GPHN: variants seen among roughly 807,000 people sequenced by gnomAD.
GPHN encodes gephyrin.
Under a neutral mutation model 95.5 loss-of-function variants are expected in GPHN, and 17 were observed. That is an observed-to-expected ratio of 0.18 (90% confidence interval 0.12 to 0.27). GPHN has a LOEUF of 0.27. Among genes scored for constraint, GPHN ranks in the 10% least tolerant of loss-of-function variants. The probability of loss-of-function intolerance (pLI) is 1.00; values close to 1 mark genes in which losing one functional copy is unlikely to be tolerated. For missense variants in GPHN, 660 were observed against 978.1 expected (o/e 0.67, Z 4.34); for synonymous variants, 320 against 322.5 (o/e 0.99, Z 0.08).
At chr14:67,207,203 G>C in the GPHN span, among the ~76,000 whole-genome samples, 1 of 152,066 alleles carries the variant, frequency 6.6e-6, no homozygotes, top group African/African-American at 2.4e-5. Context: ...AAAGAAAAGA[G>C]GGTTAATTGG....
the GPHN span, among the ~76,000 whole-genome samples, chr14:67,560,327 A>G: frequency 2.0e-5 from 3 of 152,152 alleles, no homozygotes; most frequent in Admixed American, 6.5e-5. Context: ...GTGCCCTGCT[A>G]CTTTCTCTTC....
chr14:66,808,631 T>G (rs2153480908), intron 3 of GPHN, among the ~76,000 whole-genome samples: 1 of 152,274 alleles, frequency 6.6e-6, no homozygotes, highest in Admixed American at 6.5e-5. Context: ...ACCCCATCTC[T>G]AATAAAAATA....
intron 1 of GPHN, among the ~76,000 whole-genome samples, chr14:66,640,689 T>C (rs2064345312): frequency 6.6e-6 from 1 of 152,162 alleles, no homozygotes; most frequent in South Asian, 2.1e-4. Context: ...TTCAAGTAAA[T>C]ATTTGATTTT....
At chr14:67,311,171 C>T in the GPHN span, among the ~76,000 whole-genome samples, 3 of 151,990 alleles carry the variant, frequency 2.0e-5, no homozygotes, top group African/African-American at 2.4e-5. Flanking sequence ...ATTAGCTGGG[C>T]GTTGTGGTGA....
chr14:67,575,700 C>T, the GPHN span: 7 of 782,054 alleles, frequency 9.0e-6, no homozygotes, highest in Non-Finnish European at 1.5e-5. Context: ...TAGTCTCCAC[C>T]TCCCCATCCT....
chr14:67,076,734 C>T (rs1268775255), intron 11 of GPHN, among the ~76,000 whole-genome samples: 1 of 152,094 alleles, frequency 6.6e-6, no homozygotes, highest in Admixed American at 6.6e-5. Flanking sequence ...CATGAGTAAA[C>T]TTTTGAAGAA....
chr14:66,591,838 A>G (rs138181176), intron 1 of GPHN, among the ~76,000 whole-genome samples: 8,968 of 152,268 alleles, frequency 0.059, 364 homozygotes, highest in Middle Eastern at 0.099. Context: ...AAAAGAGGCT[A>G]TATAGCCAAG....
intron 1 of GPHN, among the ~76,000 whole-genome samples, chr14:66,658,228 A>G (rs1230376688): frequency 2.0e-5 from 3 of 152,304 alleles, no homozygotes; most frequent in South Asian, 4.1e-4. Context: ...CTGCAATCTC[A>G]TGATAAAATT....
At chr14:67,426,745 T>A in the GPHN span, among the ~76,000 whole-genome samples, 2 of 152,170 alleles carry the variant, frequency 1.3e-5, no homozygotes, top group African/African-American at 4.8e-5. Context: ...CCGGCTAATT[T>A]TGTATTTTCA....
the GPHN span, among the ~76,000 whole-genome samples, chr14:67,193,831 A>C: frequency 6.7e-6 from 1 of 149,988 alleles, no homozygotes; most frequent in Admixed American, 6.6e-5. Context: ...TGTAATGCCA[A>C]CTATTCAGGA....
At chr14:67,392,553 C>G in the GPHN span, 2 of 1,228,994 alleles carry the variant, frequency 1.6e-6, no homozygotes, top group African/African-American at 1.5e-5. Context: ...ATGAAGTCGT[C>G]CCCCAAGCCC....
At chr14:67,358,454 A>G in the GPHN span, among the ~76,000 whole-genome samples, 1 of 152,206 alleles carries the variant, frequency 6.6e-6, no homozygotes, top group Non-Finnish European at 1.5e-5. Flanking sequence ...ATGAGGAAAA[A>G]CAACAAAACA....
At chr14:67,245,632 A>G in the GPHN span, among the ~76,000 whole-genome samples, 1 of 152,062 alleles carries the variant, frequency 6.6e-6, no homozygotes, top group Non-Finnish European at 1.5e-5. Context: ...GATAACACGC[A>G]TGAGCCGCTG....
the GPHN span, chr14:67,562,216 G>A: frequency 5.0e-5 from 80 of 1,611,540 alleles, 1 homozygote; most frequent in South Asian, 3.7e-4. Context: ...CTTCAGAGCC[G>A]GGAATCCAGC....
At chr14:67,383,382 A>G in the GPHN span, 1 of 1,613,808 alleles carries the variant, frequency 6.2e-7, no homozygotes, top group Non-Finnish European at 8.5e-7. Context: ...GAAAGAGAAA[A>G]TGCCGAAGTG....
At chr14:66,586,023 T>C (rs2061405375) in intron 1 of GPHN, among the ~76,000 whole-genome samples, 1 of 152,226 alleles carries the variant, frequency 6.6e-6, no homozygotes, top group Admixed American at 6.5e-5. Flanking sequence ...TGTGGGATTC[T>C]AAGTCTCTTT....
Position 67,110,365 on chromosome 14 carries a change from AGTTTT to A in GPHN, c.1413+117_1413+121del, listed in dbSNP as rs1174886743. On this transcript the variant is annotated intron_variant, in intron 14 of 22. Coordinates refer to ENST00000478722, the MANE Select transcript of GPHN (RefSeq NM_020806.5). ...ATTAACCCAGTTTTTTGGGTTGTTT[AGTTTT>A]GTTTTGTTTTTGCTTATGGTGGGAT... is the stretch of plus-strand genomic sequence containing the variant. 1.2e-5 allele frequency: 15 copies of A among 1,260,582 alleles called. No individual in the cohort carries two copies. In the Admixed American group the frequency reaches 2.5e-4, roughly 21 times the overall value. 78.1% of individuals were successfully genotyped at this position (1,260,582 alleles called of 1,614,324 possible).
chr14:67,412,318 CA>C, the GPHN span: 1 of 414,922 alleles, frequency 2.4e-6, no homozygotes, highest in Non-Finnish European at 4.2e-6. Flanking sequence ...ACAGAGCGGC[CA>C]ACCCCGCCCC....
intron 2 of GPHN, among the ~76,000 whole-genome samples, chr14:66,702,848 A>C (rs1419548168): frequency 2.0e-5 from 3 of 152,180 alleles, no homozygotes; most frequent in Non-Finnish European, 4.4e-5. Flanking sequence ...AACTACATGG[A>C]GCTAAAGGAG....
Sources: allele counts gnomAD v4.1 joint callset (sites outside exome capture counted in the v4.1 genomes callset), GRCh38; gene constraint gnomAD v4.1.1; transcripts MANE v1.5; gene names NCBI Gene and HGNC (gene_info 2026-07-23, HGNC 2026-07-21).